The following DAB1 variants were observed in gnomAD, a reference collection of about 807,000 sequenced individuals.
DAB1 encodes disabled homolog 1.
In DAB1, 15 loss-of-function variants were observed where a neutral mutation model predicts 64.6. The observed-to-expected ratio is 0.23, with a 90% confidence interval of 0.16 to 0.36. DAB1 has a LOEUF of 0.36. Among genes scored for constraint, DAB1 ranks in the 10% least tolerant of loss-of-function variants. The probability of loss-of-function intolerance (pLI) is 1.00; values close to 1 mark genes in which losing one functional copy is unlikely to be tolerated. For synonymous variants in DAB1, 235 were observed against 251.9 expected (o/e 0.93, Z 0.64); for missense variants, 596 against 706.7 (o/e 0.84, Z 1.78).
intron 4 of DAB1, among the ~76,000 whole-genome samples, chr1:57,124,528 T>C (rs530062470): frequency 6.6e-6 from 1 of 152,346 alleles, no homozygotes; most frequent in African/African-American, 2.4e-5. Flanking sequence ...TTTAAATATA[T>C]AACTTTAAAA....
intron 7 of DAB1, among the ~76,000 whole-genome samples, chr1:57,517,153 CT>C (rs1644472251): frequency 6.6e-6 from 1 of 151,914 alleles, no homozygotes; most frequent in Non-Finnish European, 1.5e-5. Flanking sequence ...TCTTTCCTTT[CT>C]TTTTATTTAT....
At chr1:57,612,719 A>G (rs1244861181) in intron 7 of DAB1, among the ~76,000 whole-genome samples, 12 of 152,166 alleles carry the variant, frequency 7.9e-5, no homozygotes, top group Admixed American at 6.5e-4. Context: ...AAAATAATAA[A>G]TTCACATTGT....
intron 3 of DAB1, among the ~76,000 whole-genome samples, chr1:58,427,181 G>A (rs1021188414): frequency 2.6e-5 from 4 of 152,046 alleles, no homozygotes; most frequent in Non-Finnish European, 4.4e-5. Context: ...CAAGTAAGGT[G>A]GTGTGGGGTA....
intron 7 of DAB1, among the ~76,000 whole-genome samples, chr1:57,449,969 G>A (rs1368733313): frequency 2.6e-5 from 4 of 152,168 alleles, no homozygotes; most frequent in East Asian, 3.8e-4. Context: ...AGACAGCTAT[G>A]AGCCCATCCT....
At chr1:57,549,983 T>G (rs1331030907) in intron 7 of DAB1, among the ~76,000 whole-genome samples, 1 of 152,074 alleles carries the variant, frequency 6.6e-6, no homozygotes, top group African/African-American at 2.4e-5. Context: ...GTTCCCAGAT[T>G]AGACAAGACT....
chr1:57,622,047 G>A (rs1318371451), intron 7 of DAB1, among the ~76,000 whole-genome samples: 1 of 151,988 alleles, frequency 6.6e-6, no homozygotes, highest in African/African-American at 2.4e-5. Context: ...GAGGTGGGAG[G>A]GCAGGTATTT....
At chr1:57,975,160 G>A (rs965310024) in intron 5 of DAB1, among the ~76,000 whole-genome samples, 2 of 152,100 alleles carry the variant, frequency 1.3e-5, no homozygotes, top group African/African-American at 4.8e-5. Flanking sequence ...ATAATGAGAG[G>A]ACAACCAACA....
intron 5 of DAB1, among the ~76,000 whole-genome samples, chr1:58,019,070 G>A (rs1646781334): frequency 6.6e-6 from 1 of 151,966 alleles, no homozygotes; most frequent in Non-Finnish European, 1.5e-5. Flanking sequence ...AATCTCTCTG[G>A]GCCTCAGTTT....
chr1:57,945,250 A>T (rs943691251), intron 5 of DAB1, among the ~76,000 whole-genome samples: 1 of 151,694 alleles, frequency 6.6e-6, no homozygotes, highest in Non-Finnish European at 1.5e-5. Context: ...CACCATCGTC[A>T]TCATCATCAT....
At chr1:57,510,586 T>A (rs1270523364) in intron 7 of DAB1, among the ~76,000 whole-genome samples, 1 of 152,150 alleles carries the variant, frequency 6.6e-6, no homozygotes, top group Non-Finnish European at 1.5e-5. Context: ...TTAATATGCC[T>A]TTAGGGAAGC....
At chr1:57,667,601 A>G (rs1646463098) in intron 6 of DAB1, among the ~76,000 whole-genome samples, 1 of 152,128 alleles carries the variant, frequency 6.6e-6, no homozygotes, top group African/African-American at 2.4e-5. Context: ...AGGAATGACC[A>G]CAGCAGAGTA....
chr1:57,693,566 C>G (rs1558617287), intron 6 of DAB1, among the ~76,000 whole-genome samples: 1 of 152,190 alleles, frequency 6.6e-6, no homozygotes, highest in Non-Finnish European at 1.5e-5. Context: ...TAAAAGCTGG[C>G]TAACCAAGAC....
chr1:57,344,165 G>T (rs966832099), intron 1 of DAB1, among the ~76,000 whole-genome samples: 2 of 152,192 alleles, frequency 1.3e-5, no homozygotes, highest in Admixed American at 1.3e-4. Flanking sequence ...GCAGAACCAA[G>T]TTACAAACCC....
intron 5 of DAB1, among the ~76,000 whole-genome samples, chr1:58,147,124 T>C (rs918827003): frequency 1.3e-5 from 2 of 151,008 alleles, no homozygotes; most frequent in Admixed American, 6.6e-5. Context: ...CTGACCAATA[T>C]GGTGAAACCC....
intron 3 of DAB1, among the ~76,000 whole-genome samples, chr1:58,420,563 T>A (rs1644762201): frequency 6.6e-6 from 1 of 152,228 alleles, no homozygotes; most frequent in Non-Finnish European, 1.5e-5. Flanking sequence ...ACTTGCCACA[T>A]CACACATCTG....
At chr1:57,344,840 T>A (rs1338223467) in intron 1 of DAB1, among the ~76,000 whole-genome samples, 1 of 152,060 alleles carries the variant, frequency 6.6e-6, no homozygotes, top group Non-Finnish European at 1.5e-5. Flanking sequence ...CATTTCATCA[T>A]CTGTAAAATG....
chr1:57,972,499 TC>T lies in DAB1; in HGVS notation n.388-88338del, dbSNP rs1401598404. Among the ~76,000 whole-genome samples the T allele has an allele frequency of 2.0e-5, 3 of 152,168 alleles. No homozygotes were observed. In the East Asian group the frequency reaches 5.8e-4, roughly 29 times the overall value. ...CTCAAGTGGCCCTCCCACCTCAGCCTCCCCAAGTGCTGGGATTATTCCCATG... is the reference window on the plus strand; with the variant it reads ...CTCAAGTGGCCCTCCCACCTCAGCCTCCCAAGTGCTGGGATTATTCCCATG... On this transcript the variant is annotated intron_variant and non_coding_transcript_variant, in intron 5 of 20. Transcript: ENST00000485760.
chr1:57,637,824 C>T (rs1165523250), intron 7 of DAB1, among the ~76,000 whole-genome samples: 1 of 152,000 alleles, frequency 6.6e-6, no homozygotes, highest in Non-Finnish European at 1.5e-5. Context: ...ATGAAGGTGT[C>T]CTCATATATA....
At chr1:57,600,285 A>G (rs1436648330) in intron 7 of DAB1, among the ~76,000 whole-genome samples, 2 of 152,230 alleles carry the variant, frequency 1.3e-5, no homozygotes, top group African/African-American at 4.8e-5. Context: ...AGGAACTCAA[A>G]TAATAGCTGT....
Sources: allele counts gnomAD v4.1 joint callset (sites outside exome capture counted in the v4.1 genomes callset), GRCh38; gene constraint gnomAD v4.1.1; transcripts MANE v1.5; gene names NCBI Gene and HGNC (gene_info 2026-07-23, HGNC 2026-07-21).